PLB1: variants seen among roughly 807,000 people sequenced by gnomAD.
PLB1 encodes the protein phospholipase B1.
Under a neutral mutation model 227.4 loss-of-function variants are expected in PLB1, and 242 were observed. The observed-to-expected ratio is 1.06, with a 90% CI of 0.96 to 1.18. The LOEUF is 1.18. Among genes scored for constraint, PLB1 ranks in the 50% most tolerant of loss-of-function variants. PLB1 has a pLI of 0.00. For synonymous variants in PLB1, 757 were observed against 682.2 expected, an observed-to-expected ratio of 1.11 and a Z score of -1.71; for missense variants, 1,858 against 1,816.3, an observed-to-expected ratio of 1.02 and a Z score of -0.42.
At chr2:28,602,205 T>TA (rs1684027774) in intron 38 of PLB1, among the ~76,000 whole-genome samples, 1 of 152,206 alleles carries the variant, frequency 6.6e-6, no homozygotes, top group Non-Finnish European at 1.5e-5. Flanking sequence ...CATGGGACAC[T>TA]CCTTGGTGGA....
chr2:28,568,782 T>G (rs1157214554), intron 20 of PLB1, among the ~76,000 whole-genome samples: 1 of 152,148 alleles, frequency 6.6e-6, no homozygotes, highest in Non-Finnish European at 1.5e-5. Flanking sequence ...GCGTCAAGAA[T>G]TAGAATTCGT....
intron 1 of PLB1, among the ~76,000 whole-genome samples, chr2:28,498,742 A>G (rs1239748504): frequency 6.6e-6 from 1 of 152,218 alleles, no homozygotes; most frequent in Non-Finnish European, 1.5e-5. Context: ...CCAATAACCC[A>G]TTATCTTAAT....
rs1553457690 is a variant in PLB1 at position 28,614,023 on chromosome 2, T to TC, written c.3130-7dup. 4.8e-5 allele frequency: 78 copies of TC among 1,608,394 alleles called. No individual in the cohort carries two copies. The highest frequency in any genetic ancestry group is 6.1e-5 in the Non-Finnish European group (72 of 1,174,846). On this transcript the variant is annotated splice_polypyrimidine_tract_variant and splice_region_variant and intron_variant, in intron 43 of 57. Coordinates refer to ENST00000327757, the MANE Select transcript of PLB1 (RefSeq NM_153021.5). The stretch of plus-strand genomic sequence containing the variant: ...GATAACTTCTCCATGTGTTTTTTTT[T>TC]CTCTTAGAATGAGCCCTTCCTGAGA...
chr2:28,585,998 G>C (rs1017894890), intron 26 of PLB1, among the ~76,000 whole-genome samples, 156 bp downstream of exon 26: 1 of 152,156 alleles, frequency 6.6e-6, no homozygotes, highest in Non-Finnish European at 1.5e-5. Context: ...ACACAGCAGG[G>C]GCTGCTACTT....
At chr2:28,579,788 A>G in intron 23 of PLB1, 81 bp downstream of exon 23, 1 of 1,188,214 alleles carries the variant, frequency 8.4e-7, no homozygotes, top group Non-Finnish European at 1.3e-6. Context: ...GCCCGGGAGG[A>G]GTACAGCTAA....
chr2:28,555,906 T>C (rs1476527290), intron 17 of PLB1, among the ~76,000 whole-genome samples: 1 of 149,832 alleles, frequency 6.7e-6, no homozygotes, highest in Non-Finnish European at 1.5e-5. Flanking sequence ...TCTCAGTCTG[T>C]CGCCCAGGCT....
intron 21 of PLB1, among the ~76,000 whole-genome samples, chr2:28,573,608 C>G (rs1678392492): frequency 6.6e-6 from 1 of 152,238 alleles, no homozygotes; most frequent in Non-Finnish European, 1.5e-5. Flanking sequence ...ACTCTGCGTC[C>G]CAGTTGTCAC....
intron 19 of PLB1, chr2:28,566,309 C>A: frequency 6.4e-6 from 1 of 155,774 alleles, no homozygotes; most frequent in South Asian, 1.9e-4. Flanking sequence ...ATTTGCATGC[C>A]TAGAAACCCT....
chr2:28,637,456 G>A (rs566295716), intron 56 of PLB1, among the ~76,000 whole-genome samples: 28 of 152,148 alleles, frequency 1.8e-4, no homozygotes, highest in African/African-American at 5.5e-4. Context: ...TTTATGAACC[G>A]CTGCCTTAGA....
chr2:28,620,033 T>G (rs1393840108), intron 46 of PLB1, among the ~76,000 whole-genome samples: 1 of 151,882 alleles, frequency 6.6e-6, no homozygotes, highest in Non-Finnish European at 1.5e-5. Flanking sequence ...GGGCGGGTGC[T>G]AGGGAGAGTG....
intron 56 of PLB1, chr2:28,633,286 C>T (rs1688896055): frequency 2.1e-6 from 1 of 486,574 alleles, no homozygotes; most frequent in Non-Finnish European, 3.7e-6. Flanking sequence ...CAGCAATGCC[C>T]AGGTACTGCG....
chr2:28,547,717 T>A (rs1198575668), intron 14 of PLB1, among the ~76,000 whole-genome samples: 1 of 152,146 alleles, frequency 6.6e-6, no homozygotes. Flanking sequence ...GGCAGCCAGA[T>A]GACAGTAAAA....
chr2:28,596,668 A>G (rs1488865380), intron 33 of PLB1, among the ~76,000 whole-genome samples: 2 of 152,252 alleles, frequency 1.3e-5, no homozygotes, highest in East Asian at 3.8e-4. Flanking sequence ...AGCTTCATGC[A>G]GAGCTGGAAA....
intron 23 of PLB1, among the ~76,000 whole-genome samples, chr2:28,580,264 A>G (rs755169674): frequency 2.0e-5 from 3 of 152,242 alleles, no homozygotes; most frequent in Non-Finnish European, 4.4e-5. Context: ...ACCCACGCCT[A>G]TGCCAGGAAT....
In PLB1 at chr2:28,554,726, A is replaced by C. The variant is rs13396676; in HGVS notation, c.1147+1735A>C. On this transcript the variant is annotated intron_variant, in intron 17 of 57. Transcript: ENST00000327757. ...AGAATGCTCTCTAAAGCATTTTATA[A>C]TCTGTCTAGATGATGTTTCTGTCAT... is the stretch of plus-strand genomic sequence containing the variant. Among the ~76,000 whole-genome samples the C allele has an allele frequency of 6.9e-3, 1,050 of 152,054 alleles. 6 individuals are homozygous for C. The highest frequency in any genetic ancestry group is 0.024 in the African/African-American group (980 of 41,464).
At chr2:28,573,123 A>T in intron 20 of PLB1, 74 bp from the exon 21 acceptor site, 1 of 1,178,988 alleles carries the variant, frequency 8.5e-7, no homozygotes, top group Non-Finnish European at 1.3e-6. Context: ...CCTAACACCC[A>T]CTGGTGCTTA....
At chr2:28,621,125 A>C in intron 49 of PLB1, 147 bp downstream of exon 49, 2 of 650,854 alleles carry the variant, frequency 3.1e-6, no homozygotes, top group South Asian at 3.8e-5. Context: ...TTATCTCCTG[A>C]GATCCTCACA....
intron 32 of PLB1, 100 bp downstream of exon 32, chr2:28,592,819 T>C (rs1317001244): frequency 4.6e-6 from 5 of 1,091,240 alleles, no homozygotes; most frequent in African/African-American, 3.2e-5. Flanking sequence ...CTCTGCCTTA[T>C]CTTGCCCCTC....
chr2:28,531,965 G>A (rs1169861612), intron 8 of PLB1, 143 bp from the exon 9 acceptor site: 8 of 631,794 alleles, frequency 1.3e-5, no homozygotes, highest in Non-Finnish European at 2.3e-5. Flanking sequence ...TTAAACTCCT[G>A]CCATATACTA....
Sources: gnomAD v4.1 joint callset for allele counts (sites outside exome capture counted in the v4.1 genomes callset) on GRCh38, gnomAD v4.1.1 for gene constraint, MANE v1.5 for transcripts, NCBI Gene and HGNC (gene_info 2026-07-23, HGNC 2026-07-21) for gene names.